ITGB6: variants seen among roughly 807,000 people sequenced by gnomAD.
ITGB6 encodes the protein integrin beta-6.
In ITGB6, 80 loss-of-function variants were observed where a neutral mutation model predicts 84.5. The observed-to-expected ratio is 0.95, with a 90% CI of 0.79 to 1.14. The LOEUF (loss-of-function observed/expected upper bound fraction) is 1.14, where lower values mean the gene tolerates loss of function less well. ITGB6 is among the 50% of genes most tolerant of loss of function. ITGB6 has a pLI of 0.00. For synonymous variants in ITGB6, 383 were observed against 354.9 expected, an observed-to-expected ratio of 1.08 and a Z score of -0.89; for missense variants, 1,006 against 968.0, an observed-to-expected ratio of 1.04 and a Z score of -0.52.
chr2:160,158,489 T>G (rs1684706862), intron 7 of ITGB6, among the ~76,000 whole-genome samples: 1 of 152,234 alleles, frequency 6.6e-6, no homozygotes, highest in African/African-American at 2.4e-5. Flanking sequence ...CTAAGGATAC[T>G]TCAGATCTTC....
chr2:160,135,586 A>T (rs201488490), intron 10 of ITGB6, among the ~76,000 whole-genome samples: 2 of 149,398 alleles, frequency 1.3e-5, no homozygotes, highest in Admixed American at 1.3e-4. Flanking sequence ...AAAAGAGCCC[A>T]CATTGCCAAG....
intron 12 of ITGB6, among the ~76,000 whole-genome samples, chr2:160,123,482 C>T (rs1386064421): frequency 6.6e-6 from 1 of 152,112 alleles, no homozygotes; most frequent in Admixed American, 6.5e-5. Flanking sequence ...TTCAATTTTT[C>T]TCCATTTCTA....
chr2:160,191,468 C>G (rs1686140419), intron 4 of ITGB6, among the ~76,000 whole-genome samples: 1 of 152,008 alleles, frequency 6.6e-6, no homozygotes. Context: ...ATTTAACAAC[C>G]ATTTATAATT....
At chr2:160,117,068 G>A in intron 12 of ITGB6, among the ~76,000 whole-genome samples, 1 of 150,688 alleles carries the variant, frequency 6.6e-6, no homozygotes. Context: ...AATAATGGGA[G>A]ACTTTAACAC....
At chr2:160,176,224 A>G (rs540247732) in intron 4 of ITGB6, among the ~76,000 whole-genome samples, 2 of 152,272 alleles carry the variant, frequency 1.3e-5, no homozygotes, top group East Asian at 3.9e-4. Context: ...CCACTTCCTC[A>G]GCTAACACAA....
intron 12 of ITGB6, among the ~76,000 whole-genome samples, chr2:160,118,887 C>G (rs1303588460): frequency 1.3e-5 from 2 of 152,054 alleles, no homozygotes. Context: ...AAACAGAGAA[C>G]CAAATCATGA....
intron 4 of ITGB6, among the ~76,000 whole-genome samples, chr2:160,182,087 T>C (rs1685702395): frequency 6.6e-6 from 1 of 152,274 alleles, no homozygotes; most frequent in African/African-American, 2.4e-5. Context: ...CCTCTTCTCC[T>C]CCAAAGGATT....
chr2:160,150,253 G>A (rs1684361344), intron 7 of ITGB6, among the ~76,000 whole-genome samples: 8 of 152,218 alleles, frequency 5.3e-5, no homozygotes, highest in Admixed American at 4.6e-4. Flanking sequence ...ATTAACAACA[G>A]ATCTCTCGGC....
intron 4 of ITGB6, among the ~76,000 whole-genome samples, chr2:160,191,444 G>A (rs183925478): frequency 6.6e-6 from 1 of 152,184 alleles, no homozygotes; most frequent in Admixed American, 6.5e-5. Context: ...AACCTCTTAA[G>A]TTGGGGCAAT....
chr2:160,137,919 G>C (rs1443118709), intron 9 of ITGB6, 68 bp from the exon 10 acceptor site: 1 of 1,554,192 alleles, frequency 6.4e-7, no homozygotes, highest in Non-Finnish European at 8.7e-7. Context: ...AAGGCTTCAC[G>C]GAAATCAGCT....
At chr2:160,179,534 C>A (rs2105878081) in intron 4 of ITGB6, among the ~76,000 whole-genome samples, 1 of 151,324 alleles carries the variant, frequency 6.6e-6, no homozygotes. Flanking sequence ...GCATGCACCA[C>A]CACGTCCAGC....
intron 12 of ITGB6, among the ~76,000 whole-genome samples, chr2:160,118,027 T>C (rs917092575): frequency 6.6e-6 from 1 of 152,080 alleles, no homozygotes. Context: ...AATCAATAGC[T>C]TACCAACCAA....
At chr2:160,117,951 C>G (rs1237426364) in intron 12 of ITGB6, among the ~76,000 whole-genome samples, 1 of 152,086 alleles carries the variant, frequency 6.6e-6, no homozygotes, top group African/African-American at 2.4e-5. Flanking sequence ...TACATCCTCC[C>G]AAGACTAAAC....
intron 5 of ITGB6, 62 bp downstream of exon 5, chr2:160,173,912 G>C: frequency 7.3e-7 from 1 of 1,377,044 alleles, no homozygotes; most frequent in Non-Finnish European, 9.9e-7. Flanking sequence ...TTTTGAAGTA[G>C]AATTATTAAT....
rs1327239855 is a variant in ITGB6 at position 160,100,374 on chromosome 2, G to A, written c.*1362C>T. 2 of 152,114 alleles carry A rather than the reference G, an allele frequency of 1.3e-5. No homozygotes were observed. The highest frequency in any genetic ancestry group is 6.5e-5 in the Admixed American group (1 of 15,270). 9.4% of individuals were successfully genotyped at this position (152,114 alleles called of 1,614,324 possible). A position where few individuals can be genotyped will look rare whatever the true frequency, so the allele number is the denominator to read the frequency against. On this transcript the variant is annotated 3_prime_UTR_variant, in exon 15 of 15. Coordinates refer to ENST00000283249, the MANE Select transcript of ITGB6 (RefSeq NM_000888.5). ...GTTTAAATGCTATTTGTTCAGTCTC[G>A]AACATTTTCAAACAAATGACAGTTA... is the stretch of plus-strand genomic sequence containing the variant.
At position 160,123,839 on chromosome 2, in the gene ITGB6, A is replaced by T; in HGVS notation, c.1933T>A (p.Cys645Ser). The part of the protein sequence containing the change: ...LSAAGQAREE[C>S]VDKCKLAGAT... ...CCAGCTAGTTTGCACTTGTCCACACATTCTTCTCGGGCTTGGCCAGCTGCT... is the reference window on the plus strand; with the variant it reads ...CCAGCTAGTTTGCACTTGTCCACACTTTCTTCTCGGGCTTGGCCAGCTGCT... Residue 645 changes from cysteine to serine, a missense_variant, in exon 12 of 15, where the codon TGT (cysteine) becomes AGT (serine). Cys to Ser is a moderately radical substitution (Grantham distance 112, BLOSUM62 -1). Coordinates refer to ENST00000283249, the MANE Select transcript of ITGB6 (RefSeq NM_000888.5). The T allele has an allele frequency of 6.2e-7, 1 of 1,614,042 alleles. No individual in the cohort carries two copies. Among genetic ancestry groups the T allele is most frequent in the Non-Finnish European group, 8.5e-7 (1 of 1,179,972 alleles).
chr2:160,161,193 G>A (rs1290776205), intron 7 of ITGB6, among the ~76,000 whole-genome samples: 2 of 152,068 alleles, frequency 1.3e-5, no homozygotes, highest in Non-Finnish European at 1.5e-5. Context: ...GCAACTATAG[G>A]CTCAGAATTT....
chr2:160,140,871 G>T (rs924932322), intron 8 of ITGB6, among the ~76,000 whole-genome samples: 2 of 152,148 alleles, frequency 1.3e-5, no homozygotes, highest in Admixed American at 1.3e-4. Context: ...TTTCAAAATT[G>T]GTGGGGCAAC....
chr2:160,107,898 C>T (rs949371613), intron 13 of ITGB6, 53 bp from the exon 14 acceptor site: 22 of 1,434,704 alleles, frequency 1.5e-5, no homozygotes, highest in South Asian at 6.6e-5. Flanking sequence ...ATTTTGACAT[C>T]GGAAAGGCAT....
Sources: allele counts gnomAD v4.1 joint callset (sites outside exome capture counted in the v4.1 genomes callset), GRCh38; gene constraint gnomAD v4.1.1; transcripts MANE v1.5; gene names NCBI Gene and HGNC (gene_info 2026-07-23, HGNC 2026-07-21).